ZNF638: variants seen among roughly 807,000 people sequenced by gnomAD.
ZNF638 encodes the protein zinc finger protein 638, also known as CTCL tumor antigen se33-1.
In ZNF638, 46 loss-of-function variants were observed where a neutral mutation model predicts 195.6. The observed-to-expected ratio is 0.24, with a 90% CI of 0.19 to 0.30. The LOEUF is 0.30. Among genes scored for constraint, ZNF638 ranks in the 10% least tolerant of loss-of-function variants. The pLI, the probability that ZNF638 is intolerant of heterozygous loss-of-function variation, is 1.00. For missense variants in ZNF638, 2,440 were observed against 2,325.3 expected (o/e 1.05, Z -1.01); for synonymous variants, 845 against 772.0 (o/e 1.09, Z -1.57).
chr2:71,336,358 T>G (rs1413362549), intron 1 of ZNF638, among the ~76,000 whole-genome samples: 3 of 109,386 alleles, frequency 2.7e-5, no homozygotes, highest in Admixed American at 1.3e-4. Context: ...GCAACAAGAG[T>G]GAAATTCCAT....
rs1172879208 is a variant in ZNF638 at position 71,348,778 on chromosome 2, G to T, written c.-177G>T. 6.5e-7 allele frequency: 1 copy of T among 1,543,560 alleles called. No individual in the cohort carries two copies. Among genetic ancestry groups the T allele is most frequent in the African/African-American group, 1.4e-5 (1 of 73,268 alleles). On this transcript the variant is annotated 5_prime_UTR_variant, in exon 2 of 28. Coordinates refer to ENST00000264447, the MANE Select transcript of ZNF638 (RefSeq NM_014497.5). ...CTTTGTGTTATTCTTGGAAAATTTCGCACCACTTGTGAATTCCTTGAACCT... is the reference window on the plus strand; with the variant it reads ...CTTTGTGTTATTCTTGGAAAATTTCTCACCACTTGTGAATTCCTTGAACCT...
At chr2:71,404,082 A>T in intron 17 of ZNF638, 84 bp downstream of exon 17, 1 of 1,383,558 alleles carries the variant, frequency 7.2e-7, no homozygotes, top group South Asian at 1.5e-5. Context: ...CTAGTTTTCC[A>T]CTTTGGTTCA....
chr2:71,425,329 C>G (rs1352833403), intron 23 of ZNF638, among the ~76,000 whole-genome samples: 1 of 151,954 alleles, frequency 6.6e-6, no homozygotes, highest in Non-Finnish European at 1.5e-5. Flanking sequence ...AGGATTATGG[C>G]TACTAAAGCA....
chr2:71,361,177 T>A (rs1461906032), intron 3 of ZNF638, among the ~76,000 whole-genome samples: 1 of 152,144 alleles, frequency 6.6e-6, no homozygotes, highest in Non-Finnish European at 1.5e-5. Context: ...GGTCTCAAAC[T>A]CCTGAGCTCA....
intron 8 of ZNF638, among the ~76,000 whole-genome samples, chr2:71,378,112 T>C (rs1445912525): frequency 6.6e-6 from 1 of 152,178 alleles, no homozygotes; most frequent in Non-Finnish European, 1.5e-5. Context: ...CGGTGAACAA[T>C]GAAACCAGTT....
chr2:71,383,047 G>C (rs1489721305), intron 10 of ZNF638, among the ~76,000 whole-genome samples: 1 of 152,188 alleles, frequency 6.6e-6, no homozygotes, highest in Non-Finnish European at 1.5e-5. Context: ...GTTTGGCTGG[G>C]TGCGATGGCT....
In ZNF638 at chr2:71,364,077, C is replaced by T. The variant is rs1174758825; in HGVS notation, c.1542C>T (p.Tyr514=). ...GTCGGTCTCGAAGCCCAATGCATTA[C>T]ATGTATAGGCCGAGAAGTCGAAGTC... ...RFRRSRSPMH[Y]MYRPRSRSPR... The change falls in exon 5 of 28, where the codon TAC becomes TAT. Residue 514 remains tyrosine (Y), a synonymous_variant. Transcript: ENST00000264447. The T allele has an allele frequency of 1.2e-6, 2 of 1,614,178 alleles. No homozygotes were observed. Among genetic ancestry groups the T allele is most frequent in the South Asian group, 1.1e-5 (1 of 91,082 alleles).
rs1385690597 is a variant in ZNF638, at chr2:71,348,898, T to G, written c.-57T>G. ...GCTTCAGCAGCTGAATGCCGTTGCC[T>G]CACATGGTTCAACACCACCTTATAC... On this transcript the variant is annotated 5_prime_UTR_variant, in exon 2 of 28. Transcript: ENST00000264447. 1 of 1,614,086 alleles carries G rather than the reference T, an allele frequency of 6.2e-7. No individual in the cohort carries two copies. Among genetic ancestry groups the G allele is most frequent in the East Asian group, 2.2e-5 (1 of 44,888 alleles).
intron 1 of ZNF638, among the ~76,000 whole-genome samples, chr2:71,334,880 C>G (rs2078638087): frequency 6.6e-6 from 1 of 151,036 alleles, no homozygotes; most frequent in South Asian, 2.1e-4. Flanking sequence ...GAGATTGCGC[C>G]ACTGCACTCC....
chr2:71,395,182 C>T, intron 10 of ZNF638: 1 of 716,112 alleles, frequency 1.4e-6, no homozygotes, highest in South Asian at 1.5e-5. Flanking sequence ...GACCCTCACT[C>T]CTTGATTGGA....
intron 19 of ZNF638, chr2:71,407,443 A>T (rs2080128147): frequency 6.6e-6 from 1 of 152,248 alleles, no homozygotes; most frequent in African/African-American, 2.4e-5. Flanking sequence ...AATAAGGATT[A>T]ACCTTACCTT....
chr2:71,359,379 A>C (rs546197997), intron 3 of ZNF638, among the ~76,000 whole-genome samples: 3 of 152,274 alleles, frequency 2.0e-5, no homozygotes, highest in Non-Finnish European at 4.4e-5. Context: ...TCCAAGAACA[A>C]GGAGGAGAAG....
chr2:71,399,277 A>G (rs2079957860), intron 12 of ZNF638, among the ~76,000 whole-genome samples: 2 of 152,184 alleles, frequency 1.3e-5, no homozygotes, highest in African/African-American at 2.4e-5. Context: ...TGCAGAAATT[A>G]CACAGTATTA....
At chr2:71,359,898 G>A (rs2079081011) in intron 3 of ZNF638, among the ~76,000 whole-genome samples, 1 of 152,132 alleles carries the variant, frequency 6.6e-6, no homozygotes, top group South Asian at 2.1e-4. Flanking sequence ...AAAGATAACA[G>A]TGCATCAGAA....
Position 71,423,080 on chromosome 2 carries a change from A to C in ZNF638, c.3566A>C (p.Glu1189Ala). The C allele has an allele frequency of 2.5e-6, 4 of 1,614,160 alleles. No homozygotes were observed. The highest frequency in any genetic ancestry group is 2.5e-6 in the Non-Finnish European group (3 of 1,179,996). The part of the protein sequence containing the change: ...PLVASASVSI[E>A]QFTENAEECA... ...GTAGCATCCGCTTCAGTCAGTATTG[A>C]ACAATTCACTGAAAATGCCGAGGAG... The change falls in exon 22 of 28, where the codon GAA (glutamate) becomes GCA (alanine). Residue 1189 changes from glutamate (E) to alanine (A), a missense_variant. By Grantham distance (107) the Glu-to-Ala change is moderately radical. Around this residue, in one of 5 missense-constraint regions of ZNF638, gnomAD observed 1,883 missense variants for 1,739.1 expected, o/e 1.08. Coordinates refer to ENST00000264447, the MANE Select transcript of ZNF638 (RefSeq NM_014497.5).
At chr2:71,342,090 A>T (rs963108055) in intron 1 of ZNF638, among the ~76,000 whole-genome samples, 5 of 152,058 alleles carry the variant, frequency 3.3e-5, no homozygotes, top group East Asian at 1.9e-4. Context: ...AGTAATAGTT[A>T]AAAAAGTCAA....
Position 71,408,402 on chromosome 2 carries a change from G to A in ZNF638, c.3261+155G>A. On this transcript the variant is annotated intron_variant, in intron 20 of 27. Transcript: ENST00000264447. Reference sequence around the variant, plus strand: ...TCCAATTTTCATAGTTTATAAAGCAGTATAAATTTGTCTAAATGAGAATAA... The same window carrying A: ...TCCAATTTTCATAGTTTATAAAGCAATATAAATTTGTCTAAATGAGAATAA... The A allele has an allele frequency of 8.4e-6, 8 of 956,598 alleles. No individual in the cohort carries two copies. The South Asian group carries it at 1.2e-4, about 15-fold the overall frequency. The allele number at this position is 956,598 out of a possible 1,614,324, so 59.3% of individuals were successfully genotyped here.
chr2:71,387,286 A>G (rs905002709), intron 10 of ZNF638, among the ~76,000 whole-genome samples: 1 of 152,228 alleles, frequency 6.6e-6, no homozygotes, highest in African/African-American at 2.4e-5. Context: ...CATACAAAAC[A>G]TCAGTAAATT....
chr2:71,388,877 T>C (rs1197256192), intron 10 of ZNF638, among the ~76,000 whole-genome samples: 1 of 152,156 alleles, frequency 6.6e-6, no homozygotes, highest in Admixed American at 6.5e-5. Flanking sequence ...TTTCACAGGC[T>C]CAGTTAAGGG....
Sources: allele counts gnomAD v4.1 joint callset (sites outside exome capture counted in the v4.1 genomes callset), GRCh38; gene constraint gnomAD v4.1.1; regional missense constraint gnomAD v4.1.1; transcripts MANE v1.5; gene names NCBI Gene and HGNC (gene_info 2026-07-23, HGNC 2026-07-21).